PDE3A: variants seen among roughly 807,000 people sequenced by gnomAD.
The protein encoded by PDE3A is cGMP-inhibited 3',5'-cyclic phosphodiesterase 3A.
In PDE3A, 43 loss-of-function variants were observed where a neutral mutation model predicts 98.3. That is an observed-to-expected ratio of 0.44 (90% CI 0.34 to 0.56). PDE3A has a LOEUF of 0.56. PDE3A is among the 20% of genes least tolerant of loss of function. The pLI, the probability that PDE3A is intolerant of heterozygous loss-of-function variation, is 0.01. For missense variants in PDE3A, 1,427 were observed against 1,440.7 expected, an observed-to-expected ratio of 0.99 and a Z score of 0.15; for synonymous variants, 663 against 567.9, an observed-to-expected ratio of 1.17 and a Z score of -2.38.
At chr12:20,670,431 T>G (rs1329127197) in intron 15 of PDE3A, among the ~76,000 whole-genome samples, 3 of 151,916 alleles carry the variant, frequency 2.0e-5, no homozygotes, top group Admixed American at 2.0e-4. Flanking sequence ...ATTCCAAAAT[T>G]GACCACATAA....
chr12:20,665,955 A>ATT (rs1565469163), intron 15 of PDE3A, among the ~76,000 whole-genome samples: 1 of 123,410 alleles, frequency 8.1e-6, no homozygotes, highest in Non-Finnish European at 1.7e-5. Flanking sequence ...AGTATTTGTC[A>ATT]TTTCTTTTTT....
intron 10 of PDE3A, among the ~76,000 whole-genome samples, chr12:20,645,362 T>C (rs950108376): frequency 5.3e-5 from 8 of 152,206 alleles, no homozygotes; most frequent in Non-Finnish European, 4.4e-5. Context: ...AATTGCCACA[T>C]TGACCATAGG....
At position 20,645,646 on chromosome 12, in the gene PDE3A, C is replaced by T. The variant is rs56098555; in HGVS notation, c.2252-844C>T. 5.7e-3 allele frequency among the ~76,000 whole-genome samples: 868 copies of T among 152,060 alleles called. 11 individuals carry two copies. Among genetic ancestry groups the T allele is most frequent in the African/African-American group, 0.02 (834 of 41,474 alleles). On this transcript the variant is annotated intron_variant, in intron 10 of 15. Transcript: ENST00000359062. Reference sequence around the variant, plus strand: ...AAACAAAAAACTTGGAAGAATTGCACAGAAAAGGAAGGTGAGCCAAGAGCA... The same window carrying T: ...AAACAAAAAACTTGGAAGAATTGCATAGAAAAGGAAGGTGAGCCAAGAGCA...
intron 12 of PDE3A, 96 bp from the exon 13 acceptor site, chr12:20,648,592 A>T (rs1273928723): frequency 6.4e-6 from 5 of 781,490 alleles, no homozygotes; most frequent in Non-Finnish European, 1.1e-5. Context: ...TCTTTGTTGT[A>T]TGAATAAAAA....
rs553421593 is a variant in PDE3A at position 20,680,325 on chromosome 12, T to C, written c.*54T>C. On this transcript the variant is annotated 3_prime_UTR_variant, in exon 16 of 16. Transcript: ENST00000359062. ...ACAGATTGACTTGTCAAAGACTCTC[T>C]TCAAGCCAGCACAACATTTAGACAC... is the stretch of plus-strand genomic sequence containing the variant. 9.5e-6 allele frequency: 15 copies of C among 1,579,394 alleles called. No individual in the cohort carries two copies. The South Asian group carries it at 1.6e-4, about 17-fold the overall frequency.
intron 2 of PDE3A, among the ~76,000 whole-genome samples, chr12:20,606,213 T>G (rs1256336401): frequency 1.3e-5 from 2 of 152,218 alleles, no homozygotes; most frequent in African/African-American, 4.8e-5. Context: ...TGCTTTTTTT[T>G]GTTTGTTTTC....
intron 1 of PDE3A, among the ~76,000 whole-genome samples, chr12:20,446,909 G>A (rs1591941562): frequency 6.6e-6 from 1 of 152,256 alleles, no homozygotes; most frequent in Admixed American, 6.5e-5. Flanking sequence ...GCAGTCCAAG[G>A]AGAAAAAACA....
chr12:20,625,639 T>C (rs550477013), intron 5 of PDE3A, among the ~76,000 whole-genome samples: 4 of 152,266 alleles, frequency 2.6e-5, no homozygotes, highest in South Asian at 2.1e-4. Flanking sequence ...AAAATTAAAC[T>C]GAGAGAGTTT....
chr12:20,503,564 T>C (rs1199284006), intron 1 of PDE3A, among the ~76,000 whole-genome samples: 1 of 152,104 alleles, frequency 6.6e-6, no homozygotes, highest in Non-Finnish European at 1.5e-5. Flanking sequence ...ATAAATTATA[T>C]AGATGCATAT....
At chr12:20,576,451 G>A (rs1942934143) in intron 2 of PDE3A, among the ~76,000 whole-genome samples, 1 of 152,100 alleles carries the variant, frequency 6.6e-6, no homozygotes, top group African/African-American at 2.4e-5. Flanking sequence ...AAATAGAGAT[G>A]TGAACATCCT....
At chr12:20,616,488 G>A in intron 4 of PDE3A, 104 bp downstream of exon 4, 5 of 1,081,696 alleles carry the variant, frequency 4.6e-6, no homozygotes, top group Middle Eastern at 3.0e-4. Context: ...ACATTTGGTT[G>A]GAGGTCAGCT....
At chr12:20,669,539 A>C (rs1945413484) in intron 15 of PDE3A, among the ~76,000 whole-genome samples, 1 of 152,112 alleles carries the variant, frequency 6.6e-6, no homozygotes, top group Non-Finnish European at 1.5e-5. Flanking sequence ...AGTGGGGGCC[A>C]ATATTCAACA....
chr12:20,674,340 G>A (rs1352920980), intron 15 of PDE3A, among the ~76,000 whole-genome samples: 1 of 152,114 alleles, frequency 6.6e-6, no homozygotes. Context: ...ATTTTGAATA[G>A]CAGCAGTGAT....
At chr12:20,466,040 A>G (rs1270098874) in intron 1 of PDE3A, among the ~76,000 whole-genome samples, 1 of 152,046 alleles carries the variant, frequency 6.6e-6, no homozygotes, top group Non-Finnish European at 1.5e-5. Flanking sequence ...TTAAAACCTG[A>G]CCCCCTGGCC....
intron 2 of PDE3A, among the ~76,000 whole-genome samples, chr12:20,572,821 A>T (rs1187084981): frequency 6.6e-6 from 1 of 152,130 alleles, no homozygotes; most frequent in Non-Finnish European, 1.5e-5. Context: ...GGTCCTTCCA[A>T]TTCTGAAGTT....
At chr12:20,627,874 T>C (rs1196454629) in intron 5 of PDE3A, among the ~76,000 whole-genome samples, 1 of 152,172 alleles carries the variant, frequency 6.6e-6, no homozygotes, top group African/African-American at 2.4e-5. Flanking sequence ...TACCACATCA[T>C]ACTAGGATTC....
chr12:20,405,836 C>T lies in PDE3A; in HGVS notation c.960+35592C>T, dbSNP rs555194823. On this transcript the variant is annotated intron_variant, in intron 1 of 15. Coordinates refer to ENST00000359062, the MANE Select transcript of PDE3A (RefSeq NM_000921.5). ...AAATTAGATCCCCAGAACATGTGAA[C>T]TTACTCATCTTGTAACTGAAAGTTT... 2.0e-5 allele frequency among the ~76,000 whole-genome samples: 3 copies of T among 152,218 alleles called. No homozygotes were observed. The South Asian group carries it at 6.2e-4, about 32-fold the overall frequency.
Position 20,646,551 on chromosome 12 carries a change from T to C in PDE3A, c.2313T>C (p.Pro771=), listed in dbSNP as rs1944781548. 1.2e-6 allele frequency: 2 copies of C among 1,611,248 alleles called. No homozygotes were observed. The highest frequency in any genetic ancestry group is 1.7e-5 in the Admixed American group (1 of 59,998). ...LHAVWYLTTQ[P]IPGLSTVIND... ...CTGTTTGGTATCTTACTACACAGCC[T>C]ATTCCAGGCCTCTCAACTGTGATTA... Residue 771 remains proline (P), a synonymous_variant, in exon 11 of 16, where the codon CCT becomes CCC. Coordinates refer to ENST00000359062, the MANE Select transcript of PDE3A (RefSeq NM_000921.5).
At chr12:20,389,554 T>TA (rs918827126) in intron 1 of PDE3A, among the ~76,000 whole-genome samples, 3 of 151,900 alleles carry the variant, frequency 2.0e-5, no homozygotes, top group African/African-American at 7.2e-5. Flanking sequence ...TTGGAAAACT[T>TA]ACACTGTTTG....
Sources: allele counts gnomAD v4.1 joint callset (sites outside exome capture counted in the v4.1 genomes callset), GRCh38; gene constraint gnomAD v4.1.1; transcripts MANE v1.5; gene names NCBI Gene and HGNC (gene_info 2026-07-23, HGNC 2026-07-21).